The following MAP3K20 variants were observed in gnomAD, a reference collection of about 807,000 sequenced individuals.
MAP3K20 encodes mitogen-activated protein kinase kinase kinase 20.
Under a neutral mutation model 85.7 loss-of-function variants are expected in MAP3K20, and 40 were observed. The observed-to-expected ratio is 0.47, with a 90% CI of 0.36 to 0.61. The LOEUF is 0.61. Ranked by LOEUF, MAP3K20 falls within the 20% of genes least tolerant of loss-of-function variation. The pLI, the probability that MAP3K20 is intolerant of heterozygous loss-of-function variation, is 0.00. For missense variants in MAP3K20, 817 were observed against 961.7 expected, an observed-to-expected ratio of 0.85 and a Z score of 1.99; for synonymous variants, 325 against 327.7, an observed-to-expected ratio of 0.99 and a Z score of 0.09.
chr2:173,075,902 T>C lies in MAP3K20; in HGVS notation c.-135T>C. ...TCAACTCCTAACTGCAGCGGAAACG[T>C]GGGAGCCGCGCGGGCCGCTGTCGTC... On this transcript the variant is annotated 5_prime_UTR_variant, in exon 1 of 20. Coordinates refer to ENST00000375213, the MANE Select transcript of MAP3K20 (RefSeq NM_016653.3). The C allele has an allele frequency of 1.0e-6, 1 of 985,070 alleles. No individual in the cohort carries two copies. The highest frequency in any genetic ancestry group is 1.2e-6 in the Non-Finnish European group (1 of 829,842). The allele number at this position is 985,070 out of a possible 1,614,324, so 61.0% of individuals were successfully genotyped here.
Position 173,263,727 on chromosome 2 carries a change from GT to G in MAP3K20, c.1552-15del. The G allele has an allele frequency of 7.6e-6, 12 of 1,581,948 alleles. No homozygotes were observed. The highest frequency in any genetic ancestry group is 1.0e-5 in the Non-Finnish European group (12 of 1,171,988). ...TATTTGTCTTTTTTTTGTCTTTTTC[GT>G]TTGTTTGTTTTACCAGAGTGATGTT... On this transcript the variant is annotated splice_polypyrimidine_tract_variant and intron_variant, in intron 18 of 19. Coordinates refer to ENST00000375213, the MANE Select transcript of MAP3K20 (RefSeq NM_016653.3).
chr2:173,186,956 T>C (rs1426570159), intron 4 of MAP3K20, among the ~76,000 whole-genome samples: 1 of 152,224 alleles, frequency 6.6e-6, no homozygotes, highest in Non-Finnish European at 1.5e-5. Flanking sequence ...ACTTTGTAAC[T>C]ACTGTATACT....
chr2:173,213,912 C>T (rs1490987008), intron 10 of MAP3K20, among the ~76,000 whole-genome samples: 2 of 152,118 alleles, frequency 1.3e-5, no homozygotes, highest in Admixed American at 1.3e-4. Context: ...CAAAAGACAA[C>T]ACATTCAGAC....
intron 2 of MAP3K20, among the ~76,000 whole-genome samples, chr2:173,104,298 C>T (rs1281586228): frequency 2.6e-5 from 4 of 152,072 alleles, no homozygotes; most frequent in Non-Finnish European, 4.4e-5. Flanking sequence ...GTTTTCTTCC[C>T]CTAAAACCAT....
At chr2:173,194,966 G>C (rs1287308897) in intron 7 of MAP3K20, among the ~76,000 whole-genome samples, 3 of 152,042 alleles carry the variant, frequency 2.0e-5, no homozygotes, top group African/African-American at 7.2e-5. Flanking sequence ...TGCTGTGAAT[G>C]CCAGAAGTGG....
Position 173,198,120 on chromosome 2 carries a change from T to TA in MAP3K20, c.669+9dup. 1 of 1,610,252 alleles carries TA rather than the reference T, an allele frequency of 6.2e-7. No individual in the cohort carries two copies. Among genetic ancestry groups the TA allele is most frequent in the Non-Finnish European group, 8.5e-7 (1 of 1,177,360 alleles). On this transcript the variant is annotated intron_variant, in intron 8 of 19. Coordinates refer to ENST00000375213, the MANE Select transcript of MAP3K20 (RefSeq NM_016653.3). The surrounding 1 kb of genome is among the most constrained non-coding windows in gnomAD (Gnocchi z 5.8). ...GTAGTGGAAAAAAACGAGGTAAGAC[T>TA]ACGTTTCTCCATTCAGGTACATAGA...
intron 2 of MAP3K20, among the ~76,000 whole-genome samples, chr2:173,167,899 G>A (rs942404120): frequency 8.5e-5 from 13 of 152,176 alleles, no homozygotes; most frequent in Admixed American, 7.8e-4. Context: ...AGAATATTCC[G>A]AAGGATAACA....
chr2:173,156,103 G>C (rs1689459641), intron 2 of MAP3K20, among the ~76,000 whole-genome samples: 1 of 152,296 alleles, frequency 6.6e-6, no homozygotes, highest in South Asian at 2.1e-4. Flanking sequence ...GGAACTTCAG[G>C]GGTTACACTG....
chr2:173,152,435 C>A (rs932391923), intron 2 of MAP3K20, among the ~76,000 whole-genome samples: 5 of 152,176 alleles, frequency 3.3e-5, no homozygotes, highest in African/African-American at 4.8e-5. Flanking sequence ...TGTCTCTGAT[C>A]TCCCCTAGGT....
intron 8 of MAP3K20, among the ~76,000 whole-genome samples, chr2:173,199,663 T>G (rs1458509037): frequency 2.5e-5 from 1 of 40,394 alleles, no homozygotes; most frequent in Admixed American, 1.9e-4. Context: ...AGAAAGGTTG[T>G]TTTTTTTTTT....
At chr2:173,172,983 A>G (rs1690044268) in intron 3 of MAP3K20, among the ~76,000 whole-genome samples, 1 of 151,882 alleles carries the variant, frequency 6.6e-6, no homozygotes, top group African/African-American at 2.4e-5. Flanking sequence ...TTTTTAGTAG[A>G]GACGGGGTTT....
chr2:173,206,427 T>C (rs1683688741), intron 9 of MAP3K20, among the ~76,000 whole-genome samples: 1 of 152,222 alleles, frequency 6.6e-6, no homozygotes, highest in Non-Finnish European at 1.5e-5. Context: ...TTTATTCTGA[T>C]TAAACAGTGA....
intron 10 of MAP3K20, chr2:173,211,668 G>C (rs1443532525): frequency 6.6e-6 from 1 of 152,624 alleles, no homozygotes; most frequent in Non-Finnish European, 1.5e-5. Context: ...TGTAATCCCA[G>C]CACTTTGGGA....
intron 2 of MAP3K20, among the ~76,000 whole-genome samples, chr2:173,149,070 T>C (rs139496743): frequency 2.0e-5 from 3 of 152,340 alleles, no homozygotes; most frequent in African/African-American, 4.8e-5. Flanking sequence ...TTGATCACAA[T>C]GTAGGATAGG....
At chr2:173,092,785 C>T (rs972328501) in intron 2 of MAP3K20, among the ~76,000 whole-genome samples, 1 of 152,150 alleles carries the variant, frequency 6.6e-6, no homozygotes, top group Non-Finnish European at 1.5e-5. Context: ...GTTCACTCCA[C>T]TCCCCCCTCC....
At chr2:173,158,534 T>C (rs1011405379) in intron 2 of MAP3K20, among the ~76,000 whole-genome samples, 6 of 152,208 alleles carry the variant, frequency 3.9e-5, no homozygotes, top group Non-Finnish European at 7.3e-5. Context: ...AAGTGCTATA[T>C]TTAGGTAAAA....
chr2:173,208,391 C>G (rs1171961775), intron 9 of MAP3K20, among the ~76,000 whole-genome samples: 1 of 107,080 alleles, frequency 9.3e-6, no homozygotes, highest in African/African-American at 2.7e-5. Context: ...GAGCAAGACT[C>G]TGTCTTAAAA....
chr2:173,082,013 G>A (rs549157219), intron 1 of MAP3K20, among the ~76,000 whole-genome samples: 57 of 150,366 alleles, frequency 3.8e-4, no homozygotes, highest in Non-Finnish European at 7.9e-4. Flanking sequence ...CTCTAAACCA[G>A]GAATCCTTTG....
intron 1 of MAP3K20, among the ~76,000 whole-genome samples, chr2:173,085,110 A>G (rs962871403): frequency 6.6e-6 from 1 of 152,252 alleles, no homozygotes; most frequent in African/African-American, 2.4e-5. Context: ...TGGAAATGCC[A>G]CAGTCTGAGA....
Sources: allele counts gnomAD v4.1 joint callset (sites outside exome capture counted in the v4.1 genomes callset), GRCh38; gene constraint gnomAD v4.1.1; non-coding constraint Gnocchi (gnomAD v3.1); transcripts MANE v1.5; gene names NCBI Gene and HGNC (gene_info 2026-07-23, HGNC 2026-07-21).